Variants in SHROOM4 observed in about 807,000 individuals in gnomAD.
The protein encoded by SHROOM4 is shroom family member 4.
Under a neutral mutation model 80.3 loss-of-function variants are expected in SHROOM4, and 17 were observed. The ratio of observed to expected loss-of-function variants is 0.21; its 90% CI spans 0.14 to 0.32. The LOEUF (loss-of-function observed/expected upper bound fraction) is 0.32, where lower values mean the gene tolerates loss of function less well. Among genes scored for constraint, SHROOM4 ranks in the 10% least tolerant of loss-of-function variants. The pLI is 1.00. For missense variants in SHROOM4, 993 were observed against 1,140.3 expected (o/e 0.87, Z 1.86); for synonymous variants, 400 against 437.5 (o/e 0.91, Z 1.07).
At chrX:50,740,580 C>T (rs1389475508) in intron 1 of SHROOM4, among the ~76,000 whole-genome samples, 3 of 111,654 alleles carry the variant, frequency 2.7e-5, no homozygotes, top group African/African-American at 9.7e-5. Flanking sequence ...ACTTGAACAA[C>T]AGTCTTGACT....
chrX:50,652,144 T>A (rs1267056935), intron 2 of SHROOM4, among the ~76,000 whole-genome samples: 1 of 111,918 alleles, frequency 8.9e-6, no homozygotes, highest in Non-Finnish European at 1.9e-5. Flanking sequence ...TCCAGATCCT[T>A]GAGGAATCGC....
chrX:50,694,929 C>T (rs1302310460), intron 2 of SHROOM4, among the ~76,000 whole-genome samples: 1 of 104,553 alleles, frequency 9.6e-6, no homozygotes, highest in Non-Finnish European at 1.9e-5. Flanking sequence ...TGTGTATATA[C>T]GATAAAGAAA....
At chrX:50,740,559 A>C (rs1436281329) in intron 1 of SHROOM4, among the ~76,000 whole-genome samples, 1 of 111,600 alleles carries the variant, frequency 9.0e-6, no homozygotes, top group Non-Finnish European at 1.9e-5. Flanking sequence ...AAACTAACAA[A>C]GATGTAGGTT....
chrX:50,677,144 C>CA (rs1453702291), intron 2 of SHROOM4, among the ~76,000 whole-genome samples: 1 of 111,277 alleles, frequency 9.0e-6, no homozygotes, highest in African/African-American at 3.3e-5. Flanking sequence ...TATCAATGGC[C>CA]AACACAGTAT....
chrX:50,753,791 G>A (rs782765033), intron 1 of SHROOM4, among the ~76,000 whole-genome samples: 1 of 111,404 alleles, frequency 9.0e-6, no homozygotes, highest in Non-Finnish European at 1.9e-5. Flanking sequence ...AAATTTAAAA[G>A]GGCATATACG....
At chrX:50,775,713 A>C (rs949978131) in intron 1 of SHROOM4, among the ~76,000 whole-genome samples, 3 of 111,974 alleles carry the variant, frequency 2.7e-5, no homozygotes, top group African/African-American at 9.8e-5. Flanking sequence ...TACTCATGTT[A>C]TGAGCCCAAC....
chrX:50,590,881 A>ACG lies in SHROOM4; in HGVS notation c.*5813_*5814insCG. 9.1e-6 allele frequency among the ~76,000 whole-genome samples: 1 copy of ACG among 109,726 alleles called. No individual in the cohort carries two copies. Among genetic ancestry groups the ACG allele is most frequent in the Non-Finnish European group, 1.9e-5 (1 of 52,245 alleles). On this transcript the variant is annotated 3_prime_UTR_variant, in exon 9 of 9. Transcript: ENST00000376020. ...TGATATGCAAATATTTTCTCCTAAT[A>ACG]TTATGTTGCTTGTCTTTTCACTTTT...
Position 50,638,140 on chromosome X carries a change from C to A in SHROOM4, c.404+34G>T, listed in dbSNP as rs782131697. The A allele has an allele frequency of 5.9e-6, 7 of 1,192,824 alleles. No individual in the cohort carries two copies. The African/African-American group carries it at 1.2e-4, about 21-fold the overall frequency. On this transcript the variant is annotated intron_variant, in intron 3 of 8. Transcript: ENST00000376020. ...GAGGAGTGTCCAAGGTGTCTACCCT[C>A]CAGCCTGTCTTGAGGGGAGGGCTCT...
intron 1 of SHROOM4, among the ~76,000 whole-genome samples, chrX:50,801,784 A>C (rs1242514089): frequency 8.9e-6 from 1 of 111,873 alleles, no homozygotes; most frequent in Non-Finnish European, 1.9e-5. Context: ...TTTACACAAA[A>C]ATCTCCCCAG....
chrX:50,748,398 G>C (rs1271744375), intron 1 of SHROOM4, among the ~76,000 whole-genome samples: 1 of 111,885 alleles, frequency 8.9e-6, no homozygotes, highest in Non-Finnish European at 1.9e-5. Context: ...AGGGCAATTA[G>C]TTATCAAGAA....
chrX:50,694,442 G>A (rs1428178416), intron 2 of SHROOM4, among the ~76,000 whole-genome samples: 1 of 102,828 alleles, frequency 9.7e-6, no homozygotes, highest in African/African-American at 3.6e-5. Context: ...TAATTTCCCT[G>A]AAGATTAGTG....
At chrX:50,649,380 C>T (rs1405008753) in intron 2 of SHROOM4, among the ~76,000 whole-genome samples, 3 of 111,587 alleles carry the variant, frequency 2.7e-5, no homozygotes, top group Admixed American at 9.5e-5. Flanking sequence ...TGACTGCCCA[C>T]GGTGAATGTA....
intron 2 of SHROOM4, among the ~76,000 whole-genome samples, chrX:50,684,821 T>G (rs1933031767): frequency 9.0e-6 from 1 of 111,705 alleles, no homozygotes; most frequent in African/African-American, 3.3e-5. Context: ...AGTGAGGAGG[T>G]AAACTCTTTT....
At chrX:50,805,598 G>A (rs1936211136) in intron 1 of SHROOM4, among the ~76,000 whole-genome samples, 1 of 111,684 alleles carries the variant, frequency 9.0e-6, no homozygotes, top group Non-Finnish European at 1.9e-5. Context: ...TAGGAGTGTG[G>A]AGAAAAGCAA....
At chrX:50,659,924 C>A (rs1178300023) in intron 2 of SHROOM4, among the ~76,000 whole-genome samples, 1 of 112,230 alleles carries the variant, frequency 8.9e-6, no homozygotes, top group Non-Finnish European at 1.9e-5. Context: ...ATATACTTTT[C>A]TTAAATAAAT....
At chrX:50,737,796 G>A (rs1377760661) in intron 1 of SHROOM4, among the ~76,000 whole-genome samples, 1 of 111,720 alleles carries the variant, frequency 9.0e-6, no homozygotes, top group African/African-American at 3.3e-5. Flanking sequence ...CCAATCAATA[G>A]AAAAAGAGGG....
At chrX:50,700,893 T>C (rs782216630) in intron 1 of SHROOM4, among the ~76,000 whole-genome samples, 2 of 112,103 alleles carry the variant, frequency 1.8e-5, no homozygotes, top group East Asian at 5.6e-4. Context: ...AATCCCTATA[T>C]GTGGATAGAG....
intron 1 of SHROOM4, among the ~76,000 whole-genome samples, chrX:50,722,520 G>T (rs1019494657): frequency 1.8e-5 from 2 of 110,918 alleles, no homozygotes; most frequent in Non-Finnish European, 3.8e-5. Context: ...GCATTAAAAT[G>T]AACCAAAAGC....
At chrX:50,655,527 AAT>A (rs1932272846) in intron 2 of SHROOM4, among the ~76,000 whole-genome samples, 1 of 106,646 alleles carries the variant, frequency 9.4e-6, no homozygotes, top group East Asian at 2.8e-4. Flanking sequence ...TTATATATGA[AAT>A]ATATATTATA....
Sources: gnomAD v4.1 joint callset for allele counts (sites outside exome capture counted in the v4.1 genomes callset) on GRCh38, gnomAD v4.1.1 for gene constraint, MANE v1.5 for transcripts, NCBI Gene and HGNC (gene_info 2026-07-23, HGNC 2026-07-21) for gene names.